The following SLC9A9 variants were observed in gnomAD, a reference collection of about 807,000 sequenced individuals.
The protein encoded by SLC9A9 is sodium/hydrogen exchanger 9.
A neutral mutation model predicts 77.8 loss-of-function variants in SLC9A9; 62 were observed. The observed-to-expected ratio is 0.80, with a 90% CI of 0.65 to 0.98. SLC9A9 has a LOEUF of 0.98. Among genes scored for constraint, SLC9A9 ranks in the 50% least tolerant of loss-of-function variants. SLC9A9 has a pLI of 0.00. For missense variants in SLC9A9, 775 were observed against 774.9 expected (o/e 1.00, Z 0.00); for synonymous variants, 320 against 283.5 (o/e 1.13, Z -1.29).
chr3:143,680,686 T>A (rs1354547333), intron 5 of SLC9A9, among the ~76,000 whole-genome samples: 3 of 152,212 alleles, frequency 2.0e-5, no homozygotes, highest in East Asian at 3.8e-4. Flanking sequence ...ATTCTAATAG[T>A]TTTTTAGAAT....
At chr3:143,300,379 C>A (rs2352726) in intron 14 of SLC9A9, among the ~76,000 whole-genome samples, 21,173 of 152,194 alleles carry the variant, frequency 0.14, 1,664 homozygotes, top group Middle Eastern at 0.21. Context: ...GCCCTCCTGC[C>A]CATTCTGCAC....
At chr3:143,646,797 C>A (rs1016321963) in intron 6 of SLC9A9, among the ~76,000 whole-genome samples, 1 of 152,134 alleles carries the variant, frequency 6.6e-6, no homozygotes, top group Admixed American at 6.5e-5. Context: ...CCTTTTTCAC[C>A]AATCATATAG....
chr3:143,389,870 G>A (rs916525702), intron 12 of SLC9A9, among the ~76,000 whole-genome samples: 3 of 152,142 alleles, frequency 2.0e-5, no homozygotes, highest in Non-Finnish European at 2.9e-5. Context: ...AGGGTTAGAG[G>A]GAGAAGGAAG....
intron 9 of SLC9A9, among the ~76,000 whole-genome samples, chr3:143,542,589 G>T (rs1161255102): frequency 6.6e-6 from 1 of 152,138 alleles, no homozygotes; most frequent in African/African-American, 2.4e-5. Context: ...CAGGAAACAC[G>T]CAAGTAATGG....
At chr3:143,810,623 G>C (rs950049270) in intron 2 of SLC9A9, among the ~76,000 whole-genome samples, 3 of 152,202 alleles carry the variant, frequency 2.0e-5, no homozygotes, top group African/African-American at 7.2e-5. Context: ...GCTTTCCAAG[G>C]AAACATGAGG....
chr3:143,735,393 T>A (rs1934915458), intron 4 of SLC9A9, among the ~76,000 whole-genome samples: 2 of 152,192 alleles, frequency 1.3e-5, no homozygotes, highest in South Asian at 4.1e-4. Flanking sequence ...TTTAAAAAGC[T>A]GTACTATTAG....
At chr3:143,716,845 G>A (rs748318217) in intron 4 of SLC9A9, among the ~76,000 whole-genome samples, 86 of 152,216 alleles carry the variant, frequency 5.6e-4, no homozygotes, top group Non-Finnish European at 7.9e-4. Context: ...TACCAATGCC[G>A]TTTATGTGGC....
Position 143,266,417 on chromosome 3 carries a change from C to A in SLC9A9, c.*285G>T. ...CCCTGAAGACCCAGCACAGCTGTCC[C>A]ATCCTCCAGCAGCTAGACTCCTGAT... On this transcript the variant is annotated 3_prime_UTR_variant, in exon 16 of 16. Coordinates refer to ENST00000316549, the MANE Select transcript of SLC9A9 (RefSeq NM_173653.4). 1 of 551,750 alleles carries A rather than the reference C, an allele frequency of 1.8e-6. No individual in the cohort carries two copies. The highest frequency in any genetic ancestry group is 3.2e-6 in the Non-Finnish European group (1 of 308,372). 34.2% of individuals were successfully genotyped at this position (551,750 alleles called of 1,614,324 possible). A position where few individuals can be genotyped will look rare whatever the true frequency, so the allele number is the denominator to read the frequency against.
At chr3:143,544,957 T>A (rs891622788) in intron 9 of SLC9A9, among the ~76,000 whole-genome samples, 1 of 152,158 alleles carries the variant, frequency 6.6e-6, no homozygotes. Context: ...GTTGCCTGTG[T>A]CAAAGACCAG....
At chr3:143,430,413 C>A (rs1004608657) in intron 12 of SLC9A9, among the ~76,000 whole-genome samples, 3 of 152,218 alleles carry the variant, frequency 2.0e-5, no homozygotes, top group African/African-American at 4.8e-5. Flanking sequence ...CTCACACACA[C>A]CTTTCTCTTA....
At chr3:143,808,183 T>C (rs2008774419) in intron 2 of SLC9A9, among the ~76,000 whole-genome samples, 1 of 152,224 alleles carries the variant, frequency 6.6e-6, no homozygotes, top group South Asian at 2.1e-4. Context: ...TCATCAAACG[T>C]TGGTTTCCTC....
intron 6 of SLC9A9, among the ~76,000 whole-genome samples, chr3:143,625,084 A>G (rs1284016630): frequency 2.0e-5 from 3 of 152,206 alleles, no homozygotes; most frequent in Non-Finnish European, 4.4e-5. Flanking sequence ...TTCAAGGAGA[A>G]CTACAAACCA....
intron 9 of SLC9A9, among the ~76,000 whole-genome samples, chr3:143,546,199 T>A (rs1309856535): frequency 1.3e-5 from 2 of 152,238 alleles, no homozygotes; most frequent in South Asian, 4.1e-4. Context: ...GCACAGAACA[T>A]ATAATTTGGC....
chr3:143,816,331 G>A (rs1490667009), intron 2 of SLC9A9, among the ~76,000 whole-genome samples: 2 of 152,122 alleles, frequency 1.3e-5, no homozygotes, highest in Non-Finnish European at 2.9e-5. Flanking sequence ...AGCCTCCCAA[G>A]TAGCTAGGAC....
chr3:143,832,633 C>G (rs2009465410), intron 1 of SLC9A9, among the ~76,000 whole-genome samples: 1 of 151,982 alleles, frequency 6.6e-6, no homozygotes. Context: ...CCCCATCAGA[C>G]TTTATTATGT....
intron 9 of SLC9A9, among the ~76,000 whole-genome samples, chr3:143,518,585 T>C (rs79209195): frequency 0.023 from 3,447 of 152,326 alleles, 54 homozygotes; most frequent in Middle Eastern, 0.044. Flanking sequence ...TTTTATTGCA[T>C]ATCTTAGTAT....
chr3:143,415,766 A>C (rs1278485639), intron 12 of SLC9A9, among the ~76,000 whole-genome samples: 2 of 152,228 alleles, frequency 1.3e-5, no homozygotes, highest in Non-Finnish European at 2.9e-5. Context: ...TATAAGAAAT[A>C]TATTTCATAA....
intron 14 of SLC9A9, among the ~76,000 whole-genome samples, chr3:143,309,363 A>G (rs984483372): frequency 1.3e-5 from 2 of 150,302 alleles, no homozygotes; most frequent in Non-Finnish European, 3.0e-5. Flanking sequence ...TACCTTTATG[A>G]TTGTGCTTTG....
chr3:143,443,875 C>T (rs1308535244), intron 12 of SLC9A9, among the ~76,000 whole-genome samples: 2 of 152,074 alleles, frequency 1.3e-5, no homozygotes, highest in African/African-American at 4.8e-5. Flanking sequence ...ATTCAATAGA[C>T]CCAGTTCTTA....
Sources: allele counts gnomAD v4.1 joint callset (sites outside exome capture counted in the v4.1 genomes callset), GRCh38; gene constraint gnomAD v4.1.1; transcripts MANE v1.5; gene names NCBI Gene and HGNC (gene_info 2026-07-23, HGNC 2026-07-21).